MYO5A: variants seen among roughly 807,000 people sequenced by gnomAD.
MYO5A encodes the protein unconventional myosin-Va.
Under a neutral mutation model 249.7 loss-of-function variants are expected in MYO5A, and 98 were observed. The ratio of observed to expected loss-of-function variants is 0.39; its 90% CI spans 0.33 to 0.46. MYO5A has a LOEUF of 0.46. MYO5A is among the 20% of genes least tolerant of loss of function. The pLI is 0.98. For synonymous variants in MYO5A, 778 were observed against 810.6 expected, an observed-to-expected ratio of 0.96 and a Z score of 0.68; for missense variants, 1,696 against 2,308.8, an observed-to-expected ratio of 0.73 and a Z score of 5.44.
At chr15:52,477,916 A>G (rs1007902022) in intron 1 of MYO5A, among the ~76,000 whole-genome samples, 1 of 152,204 alleles carries the variant, frequency 6.6e-6, no homozygotes, top group African/African-American at 2.4e-5. Context: ...CCATGCTGGG[A>G]GAACCACTAC....
intron 1 of MYO5A, among the ~76,000 whole-genome samples, chr15:52,433,610 G>A (rs1266127015): frequency 6.6e-6 from 1 of 151,542 alleles, no homozygotes; most frequent in Non-Finnish European, 1.5e-5. Flanking sequence ...TAATAAAGAT[G>A]GAGTTTCGCC....
At chr15:52,412,653 T>C (rs2043300297) in intron 5 of MYO5A, among the ~76,000 whole-genome samples, 2 of 152,196 alleles carry the variant, frequency 1.3e-5, no homozygotes, top group South Asian at 2.1e-4. Flanking sequence ...CCCTCAATTG[T>C]TGCCTCTGCC....
intron 7 of MYO5A, 92 bp downstream of exon 7, chr15:52,407,967 T>C (rs968758038): frequency 3.5e-6 from 3 of 869,550 alleles, no homozygotes; most frequent in African/African-American, 3.3e-5. Context: ...TATTCCAACA[T>C]GAGATAAGCT....
In MYO5A at chr15:52,528,762, G is replaced by T; in HGVS notation, c.27+18C>A. On this transcript the variant is annotated intron_variant, in intron 1 of 41. Transcript: ENST00000399233. ...CCGCACAGCCCCAGTCCTCGACGCC[G>T]GCCGCGGGGTGCCTTACCTTTGTGT... 1 of 1,503,672 alleles carries T rather than the reference G, an allele frequency of 6.7e-7. No individual in the cohort carries two copies. Among genetic ancestry groups the T allele is most frequent in the Non-Finnish European group, 8.8e-7 (1 of 1,133,228 alleles). 93.1% of individuals were successfully genotyped at this position (1,503,672 alleles called of 1,614,324 possible).
chr15:52,483,809 C>T (rs2076763849), intron 1 of MYO5A, among the ~76,000 whole-genome samples: 1 of 152,216 alleles, frequency 6.6e-6, no homozygotes, highest in Admixed American at 6.5e-5. Context: ...AATTGTGGTT[C>T]CTGAACTTCT....
chr15:52,465,213 A>G (rs1476039859), intron 1 of MYO5A, among the ~76,000 whole-genome samples: 3 of 152,220 alleles, frequency 2.0e-5, no homozygotes, highest in Non-Finnish European at 4.4e-5. Context: ...CTTAAGCAAA[A>G]AAGCCCTGTT....
chr15:52,372,322 G>C lies in MYO5A; in HGVS notation c.2619C>G (p.Val873=). ...EHKAVIIQKR[V]RGWLARTHYK... is the part of the protein sequence containing the mutation. ...AGTGTGTGCGGGCCAGCCAGCCCCG[G>C]ACTCGCTTCTGAATGATGACTGCTT... The change falls in exon 21 of 42, where the codon GTC becomes GTG. Residue 873 remains valine (V), a synonymous_variant. Coordinates refer to ENST00000399233, the MANE Select transcript of MYO5A (RefSeq NM_001382347.1). The C allele has an allele frequency of 1.2e-6, 2 of 1,606,080 alleles. No homozygotes were observed. Among genetic ancestry groups the C allele is most frequent in the Non-Finnish European group, 1.7e-6 (2 of 1,179,974 alleles).
At chr15:52,488,306 T>C (rs1345282878) in intron 1 of MYO5A, among the ~76,000 whole-genome samples, 1 of 152,182 alleles carries the variant, frequency 6.6e-6, no homozygotes, top group Non-Finnish European at 1.5e-5. Flanking sequence ...CTGTAAATAA[T>C]GAATTCTTGG....
chr15:52,448,315 T>G (rs957303227), intron 1 of MYO5A, among the ~76,000 whole-genome samples: 2 of 152,262 alleles, frequency 1.3e-5, no homozygotes, highest in African/African-American at 4.8e-5. Flanking sequence ...TGCTGGGTTT[T>G]GTACTTGCAT....
intron 1 of MYO5A, among the ~76,000 whole-genome samples, chr15:52,515,147 C>A (rs1278182922): frequency 6.6e-6 from 1 of 151,940 alleles, no homozygotes; most frequent in African/African-American, 2.4e-5. Flanking sequence ...TGGTGGCATG[C>A]AGCTACTATA....
At chr15:52,457,857 C>CCTA (rs1288803678) in intron 1 of MYO5A, among the ~76,000 whole-genome samples, 9 of 152,064 alleles carry the variant, frequency 5.9e-5, no homozygotes, top group African/African-American at 2.2e-4. Flanking sequence ...ATGGAATCAA[C>CCTA]CTAAGTGTCC....
At chr15:52,375,628 T>C (rs1401154166) in intron 19 of MYO5A, among the ~76,000 whole-genome samples, 168 bp from the exon 20 acceptor site, 1 of 152,252 alleles carries the variant, frequency 6.6e-6, no homozygotes, top group Non-Finnish European at 1.5e-5. Flanking sequence ...TACATTTGTA[T>C]AGCAATTTAT....
At chr15:52,379,164 T>TC (rs1389052584) in intron 18 of MYO5A, among the ~76,000 whole-genome samples, 1 of 152,164 alleles carries the variant, frequency 6.6e-6, no homozygotes, top group African/African-American at 2.4e-5. Context: ...AATCTCTCCT[T>TC]CCCATAGCTG....
At position 52,383,841 on chromosome 15, in the gene MYO5A, T is replaced by C. The variant is rs1321050528; in HGVS notation, c.1914+320A>G. Among the ~76,000 whole-genome samples the C allele has an allele frequency of 2.0e-5, 3 of 152,206 alleles. No homozygotes were observed. In the South Asian group the frequency reaches 6.2e-4, roughly 32 times the overall value. ...TCAAAGAAAGGCGAGGGCCCTGTTC[T>C]GAAGGAGCTGACCGAGGCACTGTAC... On this transcript the variant is annotated intron_variant, in intron 15 of 41. Transcript: ENST00000399233.
chr15:52,520,311 T>C (rs990006010), intron 1 of MYO5A, among the ~76,000 whole-genome samples: 33 of 152,154 alleles, frequency 2.2e-4, no homozygotes, highest in Non-Finnish European at 2.9e-5. Context: ...CCCTGGTCTC[T>C]GGGGTGAGCA....
chr15:52,509,451 A>T (rs2077346092), intron 1 of MYO5A, among the ~76,000 whole-genome samples: 2 of 152,186 alleles, frequency 1.3e-5, no homozygotes, highest in Admixed American at 6.5e-5. Flanking sequence ...AAACAAAAAC[A>T]AAAAAACTCC....
chr15:52,379,797 T>G (rs768108841), intron 17 of MYO5A, 25 bp downstream of exon 17: 2 of 1,614,096 alleles, frequency 1.2e-6, no homozygotes, highest in South Asian at 1.1e-5. Flanking sequence ...TAGGATCCCT[T>G]ACATCTGAAA....
chr15:52,446,266 G>A (rs1333924833), intron 1 of MYO5A, among the ~76,000 whole-genome samples: 3 of 152,222 alleles, frequency 2.0e-5, no homozygotes, highest in African/African-American at 7.2e-5. Flanking sequence ...GGCTGCTCCA[G>A]CTCCAGCTCC....
chr15:52,476,241 C>G (rs2076589675), intron 1 of MYO5A, among the ~76,000 whole-genome samples: 1 of 151,840 alleles, frequency 6.6e-6, no homozygotes, highest in Non-Finnish European at 1.5e-5. Context: ...TTTCCATTTG[C>G]TTGGTAGATC....
Sources: allele counts gnomAD v4.1 joint callset (sites outside exome capture counted in the v4.1 genomes callset), GRCh38; gene constraint gnomAD v4.1.1; transcripts MANE v1.5; gene names NCBI Gene and HGNC (gene_info 2026-07-23, HGNC 2026-07-21).